Variants in CNTNAP2 observed in about 807,000 individuals in gnomAD.
CNTNAP2 encodes contactin associated protein 2.
Under a neutral mutation model 155.2 loss-of-function variants are expected in CNTNAP2, and 98 were observed. That is an observed-to-expected ratio of 0.63 (90% CI 0.54 to 0.75). CNTNAP2 has a LOEUF of 0.75. Among genes scored for constraint, CNTNAP2 ranks in the 30% least tolerant of loss-of-function variants. CNTNAP2 has a pLI of 0.00. For synonymous variants in CNTNAP2, 651 were observed against 631.2 expected, an observed-to-expected ratio of 1.03 and a Z score of -0.47; for missense variants, 1,727 against 1,688.1, an observed-to-expected ratio of 1.02 and a Z score of -0.40.
chr7:147,003,928 T>C (rs1386762940), intron 3 of CNTNAP2, among the ~76,000 whole-genome samples: 1 of 152,060 alleles, frequency 6.6e-6, no homozygotes, highest in East Asian at 1.9e-4. Flanking sequence ...GCTACTCAGG[T>C]GGCTGAGGCA....
At position 147,655,623 on chromosome 7, in the gene CNTNAP2, T is replaced by A. The variant is rs530935407; in HGVS notation, c.2098+16317T>A. Among the ~76,000 whole-genome samples the A allele has an allele frequency of 7.9e-5, 12 of 152,348 alleles. No homozygotes were observed. In the East Asian group the frequency reaches 2.3e-3, roughly 29 times the overall value. On this transcript the variant is annotated intron_variant, in intron 13 of 23. Coordinates refer to ENST00000361727, the MANE Select transcript of CNTNAP2 (RefSeq NM_014141.6). ...ATTTTTTCTGGGCAGTAACTCTCAA[T>A]GGGCTTAAAGTATTCAGTAAACCTG...
chr7:147,526,116 T>C (rs767381195), intron 11 of CNTNAP2, among the ~76,000 whole-genome samples: 12 of 143,866 alleles, frequency 8.3e-5, no homozygotes, highest in Admixed American at 1.5e-4. Context: ...TGCTTGAACA[T>C]GGGAGGAGGA....
At chr7:147,713,288 C>T (rs570286936) in intron 13 of CNTNAP2, among the ~76,000 whole-genome samples, 9 of 152,160 alleles carry the variant, frequency 5.9e-5, no homozygotes, top group East Asian at 1.9e-4. Context: ...TAGAACAGTT[C>T]GAACACCCTA....
chr7:146,272,705 C>T (rs1238976618), intron 1 of CNTNAP2, among the ~76,000 whole-genome samples: 1 of 151,974 alleles, frequency 6.6e-6, no homozygotes, highest in East Asian at 1.9e-4. Context: ...AATATGTGCC[C>T]TCATGTGTGT....
chr7:147,434,370 A>G (rs1013988083), intron 10 of CNTNAP2, among the ~76,000 whole-genome samples: 9 of 152,334 alleles, frequency 5.9e-5, no homozygotes, highest in Admixed American at 5.9e-4. Flanking sequence ...AGGCCTCTCC[A>G]GGATTATTTC....
chr7:146,863,634 A>G (rs1330129213), intron 3 of CNTNAP2, among the ~76,000 whole-genome samples: 5 of 152,230 alleles, frequency 3.3e-5, no homozygotes, highest in Non-Finnish European at 5.9e-5. Context: ...AATTAGTACT[A>G]TGCTATTTGC....
chr7:146,955,818 A>G (rs1268012438), intron 3 of CNTNAP2, among the ~76,000 whole-genome samples: 2 of 152,050 alleles, frequency 1.3e-5, no homozygotes, highest in Non-Finnish European at 2.9e-5. Context: ...GTCGAATATA[A>G]GAGATAATTC....
intron 21 of CNTNAP2, among the ~76,000 whole-genome samples, chr7:148,300,473 C>A (rs1246877525): frequency 1.3e-5 from 2 of 150,632 alleles, no homozygotes; most frequent in Non-Finnish European, 2.9e-5. Context: ...TGGCTTAAAT[C>A]TTCTTTTCTC....
chr7:146,254,542 A>G (rs1799808564), intron 1 of CNTNAP2, among the ~76,000 whole-genome samples: 2 of 152,350 alleles, frequency 1.3e-5, no homozygotes, highest in South Asian at 2.1e-4. Context: ...GCAGTGTCCT[A>G]TTAGAAGTGT....
chr7:148,044,409 C>CT (rs1802736074), intron 15 of CNTNAP2, among the ~76,000 whole-genome samples: 1 of 151,932 alleles, frequency 6.6e-6, no homozygotes, highest in South Asian at 2.1e-4. Flanking sequence ...GGCAGATGGC[C>CT]TTGTGGCGTG....
At chr7:148,161,330 A>T (rs1805534373) in intron 17 of CNTNAP2, among the ~76,000 whole-genome samples, 1 of 152,016 alleles carries the variant, frequency 6.6e-6, no homozygotes. Context: ...AGGTCCTGTC[A>T]TTTCGCCTTC....
intron 3 of CNTNAP2, among the ~76,000 whole-genome samples, chr7:147,033,185 T>G: frequency 9.4e-6 from 1 of 106,192 alleles, no homozygotes; most frequent in Middle Eastern, 5.1e-3. Context: ...TATATATATA[T>G]ATATATATAT....
intron 10 of CNTNAP2, among the ~76,000 whole-genome samples, chr7:147,445,485 C>T (rs1797718571): frequency 6.6e-6 from 1 of 151,842 alleles, no homozygotes; most frequent in Non-Finnish European, 1.5e-5. Context: ...ATTAGAATAC[C>T]CTGCCTCAGT....
At chr7:146,650,822 T>A (rs929073901) in intron 1 of CNTNAP2, among the ~76,000 whole-genome samples, 4 of 152,274 alleles carry the variant, frequency 2.6e-5, no homozygotes, top group African/African-American at 7.2e-5. Context: ...GAATTGTAGC[T>A]TTACAAAGTA....
chr7:147,095,110 A>G (rs540415329), intron 4 of CNTNAP2, among the ~76,000 whole-genome samples: 2 of 150,704 alleles, frequency 1.3e-5, no homozygotes, highest in Non-Finnish European at 3.0e-5. Flanking sequence ...ACCTTCGTCT[A>G]CCGGGTTCAA....
intron 8 of CNTNAP2, among the ~76,000 whole-genome samples, chr7:147,194,177 C>A (rs1035799554): frequency 6.6e-6 from 1 of 151,664 alleles, no homozygotes; most frequent in Non-Finnish European, 1.5e-5. Context: ...TGAGAACATG[C>A]AGTATTTGGT....
intron 1 of CNTNAP2, among the ~76,000 whole-genome samples, chr7:146,447,601 T>C (rs1057500334): frequency 6.6e-6 from 1 of 152,032 alleles, no homozygotes; most frequent in African/African-American, 2.4e-5. Context: ...AATATGAGAA[T>C]CTTGCAACTG....
At chr7:148,368,623 T>C (rs1170745815) in intron 21 of CNTNAP2, among the ~76,000 whole-genome samples, 3 of 152,108 alleles carry the variant, frequency 2.0e-5, no homozygotes, top group African/African-American at 7.2e-5. Context: ...GACACCAAGT[T>C]AAAGAAGGAA....
chr7:147,014,504 T>C (rs925471545), intron 3 of CNTNAP2, among the ~76,000 whole-genome samples: 3 of 152,152 alleles, frequency 2.0e-5, no homozygotes, highest in Non-Finnish European at 4.4e-5. Flanking sequence ...AATAATTATT[T>C]ATTTAATTCA....
Sources: gnomAD v4.1 joint callset for allele counts (sites outside exome capture counted in the v4.1 genomes callset) on GRCh38, gnomAD v4.1.1 for gene constraint, MANE v1.5 for transcripts, NCBI Gene and HGNC (gene_info 2026-07-23, HGNC 2026-07-21) for gene names.